The following CAMSAP2 variants were observed in gnomAD, a reference collection of about 807,000 sequenced individuals.
CAMSAP2 encodes calmodulin regulated spectrin associated protein family member 2.
Under a neutral mutation model 146.1 loss-of-function variants are expected in CAMSAP2, and 26 were observed. That is an observed-to-expected ratio of 0.18 (90% CI 0.13 to 0.25). CAMSAP2 has a LOEUF of 0.25. CAMSAP2 is among the 10% of genes least tolerant of loss of function. The probability of loss-of-function intolerance (pLI) is 1.00; values close to 1 mark genes in which losing one functional copy is unlikely to be tolerated. For missense variants in CAMSAP2, 1,381 were observed against 1,759.3 expected, an observed-to-expected ratio of 0.78 and a Z score of 3.85; for synonymous variants, 499 against 596.6, an observed-to-expected ratio of 0.84 and a Z score of 2.38.
At chr1:200,740,085 A>C in intron 1 of CAMSAP2, 119 bp downstream of exon 1, 4 of 1,049,238 alleles carry the variant, frequency 3.8e-6, no homozygotes, top group Admixed American at 2.4e-5. Context: ...AGGTTAAGGG[A>C]GATGATGGGA....
At chr1:200,807,017 A>C (rs530322416) in intron 2 of CAMSAP2, among the ~76,000 whole-genome samples, 11 of 152,306 alleles carry the variant, frequency 7.2e-5, no homozygotes, top group Non-Finnish European at 1.6e-4. Flanking sequence ...ATAAACTTGT[A>C]CTATGTGGGT....
At chr1:200,811,704 A>G (rs116657246) in intron 3 of CAMSAP2, among the ~76,000 whole-genome samples, 1,686 of 152,288 alleles carry the variant, frequency 0.011, 32 homozygotes, top group Admixed American at 0.024. Context: ...TTCTACAAGT[A>G]TCTTTTTATA....
intron 2 of CAMSAP2, among the ~76,000 whole-genome samples, chr1:200,790,514 G>A (rs1558178935): frequency 6.6e-6 from 1 of 152,194 alleles, no homozygotes; most frequent in Non-Finnish European, 1.5e-5. Flanking sequence ...ATCAGTTACA[G>A]TTTAGTTTTC....
intron 6 of CAMSAP2, among the ~76,000 whole-genome samples, chr1:200,838,217 C>G (rs1667231308): frequency 6.6e-6 from 1 of 152,066 alleles, no homozygotes; most frequent in South Asian, 2.1e-4. Context: ...TACCAAAGTC[C>G]TTAAAATATT....
At chr1:200,750,971 C>G (rs971889583) in intron 1 of CAMSAP2, among the ~76,000 whole-genome samples, 49 of 144,252 alleles carry the variant, frequency 3.4e-4, no homozygotes, top group African/African-American at 1.2e-3. Flanking sequence ...GGCACGATCT[C>G]GGCTCACTGC....
chr1:200,757,656 TG>T (rs772378333), intron 1 of CAMSAP2, among the ~76,000 whole-genome samples: 5 of 152,224 alleles, frequency 3.3e-5, no homozygotes, highest in East Asian at 3.8e-4. Flanking sequence ...TTTATACCAT[TG>T]GTAAAATGAT....
intron 4 of CAMSAP2, among the ~76,000 whole-genome samples, chr1:200,825,237 A>G (rs1032631582): frequency 2.0e-5 from 3 of 152,150 alleles, no homozygotes; most frequent in Non-Finnish European, 4.4e-5. Context: ...TAGAACATTG[A>G]CATAATTCCA....
intron 2 of CAMSAP2, among the ~76,000 whole-genome samples, chr1:200,765,564 C>T (rs116523621): frequency 6.6e-6 from 1 of 152,142 alleles, no homozygotes; most frequent in African/African-American, 2.4e-5. Context: ...TGACCACTGA[C>T]ATCTCCGCTT....
chr1:200,762,317 A>G (rs923952408), intron 2 of CAMSAP2, among the ~76,000 whole-genome samples: 1 of 152,238 alleles, frequency 6.6e-6, no homozygotes, highest in African/African-American at 2.4e-5. Context: ...AACAATAACT[A>G]GAATATTGAT....
intron 1 of CAMSAP2, among the ~76,000 whole-genome samples, chr1:200,759,026 G>C (rs779182826): frequency 9.2e-5 from 14 of 152,072 alleles, no homozygotes; most frequent in Non-Finnish European, 2.1e-4. Context: ...AAAACTGTCA[G>C]CACCTCCTTG....
At chr1:200,777,704 G>C (rs985398842) in intron 2 of CAMSAP2, among the ~76,000 whole-genome samples, 10 of 152,078 alleles carry the variant, frequency 6.6e-5, no homozygotes, top group Non-Finnish European at 1.3e-4. Context: ...CCCAGCCAAG[G>C]CTAACATATA....
intron 2 of CAMSAP2, among the ~76,000 whole-genome samples, chr1:200,765,617 G>GA (rs966170558): frequency 2.0e-5 from 3 of 151,716 alleles, no homozygotes; most frequent in South Asian, 2.1e-4. Flanking sequence ...AGAAAACTGG[G>GA]AAAAAAAACT....
chr1:200,848,442 C>T lies in CAMSAP2; in HGVS notation c.1673C>T (p.Thr558Ile). The change falls in exon 11 of 17, where the codon ACA becomes ATA. Residue 558 changes from threonine to isoleucine, a missense_variant. By Grantham distance (89) the Thr-to-Ile change is moderately conservative. Around this residue, in one of 4 missense-constraint regions of CAMSAP2, gnomAD observed 447 missense variants for 462.2 expected, o/e 0.97. Transcript: ENST00000358823. ...CATGATACTGAAAAATCTCCTCATA[C>T]ACCTCAGCCAGACCAAATTGCTAAT... ...IIHDTEKSPH[T>I]PQPDQIANGF... 6.2e-7 allele frequency: 1 copy of T among 1,613,258 alleles called. No homozygotes were observed. The highest frequency in any genetic ancestry group is 1.1e-5 in the South Asian group (1 of 91,020).
In CAMSAP2 at chr1:200,848,015, CTT is replaced by C. The variant is rs777284290; in HGVS notation, c.1263-15_1263-14del. ...TCTAGGATTTTTAAAGGATTTTTCT[CTT>C]TAACTTTTTTTTAGATCATCAGTGC... is the stretch of plus-strand genomic sequence containing the variant. On this transcript the variant is annotated splice_polypyrimidine_tract_variant and intron_variant, in intron 10 of 16. Coordinates refer to ENST00000358823, the MANE Select transcript of CAMSAP2 (RefSeq NM_203459.4). The C allele has an allele frequency of 4.8e-6, 7 of 1,456,520 alleles. No individual in the cohort carries two copies. The African/African-American group carries it at 7.1e-5, about 15-fold the overall frequency. 90.2% of individuals were successfully genotyped at this position (1,456,520 alleles called of 1,614,324 possible).
At chr1:200,846,169 A>AAT (rs1234286682) in intron 8 of CAMSAP2, among the ~76,000 whole-genome samples, 1 of 152,230 alleles carries the variant, frequency 6.6e-6, no homozygotes, top group East Asian at 1.9e-4. Flanking sequence ...TTAACACAAA[A>AAT]ATATGAAATT....
chr1:200,791,930 C>T (rs1199750529), intron 2 of CAMSAP2, among the ~76,000 whole-genome samples: 1 of 151,708 alleles, frequency 6.6e-6, no homozygotes, highest in Non-Finnish European at 1.5e-5. Flanking sequence ...CACGCCACTG[C>T]ACTCCACCCT....
Position 200,759,280 on chromosome 1 carries a change from A to ATTTT in CAMSAP2, c.140-1546_140-1543dup, listed in dbSNP as rs374473632. On this transcript the variant is annotated intron_variant, in intron 1 of 16. Transcript: ENST00000358823. ...AAATTCTGCCGATTCCTGCTATTCTATTTTTTTTTTTTTTTTGAGATAGAG... is the reference window on the plus strand; with the variant it reads ...AAATTCTGCCGATTCCTGCTATTCTATTTTTTTTTTTTTTTTTTTTGAGATAGAG... 5.0e-3 allele frequency among the ~76,000 whole-genome samples: 639 copies of ATTTT among 128,846 alleles called. 12 individuals carry two copies. The highest frequency in any genetic ancestry group is 8.3e-3 in the African/African-American group (279 of 33,424). 84.5% of individuals were successfully genotyped at this position (128,846 alleles called of 152,430 possible).
chr1:200,849,272 G>A lies in CAMSAP2; in HGVS notation c.2503G>A (p.Ala835Thr). 1 of 1,613,936 alleles carries A rather than the reference G, an allele frequency of 6.2e-7. No homozygotes were observed. ...KTDGQRSKSL[A>T]DIKESMENPQ... is the part of the protein sequence containing the mutation. The stretch of plus-strand genomic sequence containing the variant: ...TGATGGACAAAGGAGCAAGTCACTG[G>A]CAGATATAAAAGAGAGCATGGAGAA... Residue 835 changes from alanine (A) to threonine (T), a missense_variant, in exon 11 of 17, where the codon GCA becomes ACA. By Grantham distance (58) the Ala-to-Thr change is moderately conservative (BLOSUM62 0). Coordinates refer to ENST00000358823, the MANE Select transcript of CAMSAP2 (RefSeq NM_203459.4). This position sits in a 1 kb window ranked among gnomAD's most constrained non-coding sequence, Gnocchi z 6.3.
rs1667058593 is a variant in CAMSAP2 at position 200,832,153 on chromosome 1, C to T, written c.646-47C>T. 5.4e-6 allele frequency: 8 copies of T among 1,485,442 alleles called. No individual in the cohort carries two copies. Among genetic ancestry groups the T allele is most frequent in the Middle Eastern group, 3.6e-4 (2 of 5,616 alleles). The allele number at this position is 1,485,442 out of a possible 1,614,324, so 92.0% of individuals were successfully genotyped here. The stretch of plus-strand genomic sequence containing the variant: ...TTACAGTACTGATTTTTTTCCTATG[C>T]GTTATTTGGTACTTATTTATTTTCA... On this transcript the variant is annotated intron_variant, in intron 4 of 16. Coordinates refer to ENST00000358823, the MANE Select transcript of CAMSAP2 (RefSeq NM_203459.4). This position sits in a 1 kb window ranked among gnomAD's most constrained non-coding sequence, Gnocchi z 4.2.
Sources: allele counts gnomAD v4.1 joint callset (sites outside exome capture counted in the v4.1 genomes callset), GRCh38; gene constraint gnomAD v4.1.1; regional missense constraint gnomAD v4.1.1; non-coding constraint Gnocchi (gnomAD v3.1); transcripts MANE v1.5; gene names NCBI Gene and HGNC (gene_info 2026-07-23, HGNC 2026-07-21).